Variants in TNIP3 observed in about 807,000 individuals in gnomAD.
TNIP3 encodes TNFAIP3-interacting protein 3.
A neutral mutation model predicts 54.1 loss-of-function variants in TNIP3; 34 were observed. The ratio of observed to expected loss-of-function variants is 0.63; its 90% confidence interval spans 0.48 to 0.84. The LOEUF is 0.84. Among genes scored for constraint, TNIP3 ranks in the 40% least tolerant of loss-of-function variants. The probability of loss-of-function intolerance (pLI) is 0.00; values close to 1 mark genes in which losing one functional copy is unlikely to be tolerated. For synonymous variants in TNIP3, 134 were observed against 136.8 expected, an observed-to-expected ratio of 0.98 and a Z score of 0.14; for missense variants, 366 against 387.6, an observed-to-expected ratio of 0.94 and a Z score of 0.47.
At chr4:121,139,618 G>A (rs1007502901) in intron 9 of TNIP3, among the ~76,000 whole-genome samples, 1 of 152,176 alleles carries the variant, frequency 6.6e-6, no homozygotes, top group Non-Finnish European at 1.5e-5. Context: ...TTACAAGGCT[G>A]CCAGACCACT....
At chr4:121,153,006 G>GA (rs1409256400) in intron 5 of TNIP3, among the ~76,000 whole-genome samples, 2 of 151,940 alleles carry the variant, frequency 1.3e-5, no homozygotes, top group African/African-American at 4.8e-5. Context: ...AAATTCCAAG[G>GA]AAAAATTAAA....
chr4:121,160,897 T>A (rs973992915), intron 2 of TNIP3, among the ~76,000 whole-genome samples: 5 of 152,186 alleles, frequency 3.3e-5, no homozygotes, highest in Admixed American at 6.5e-5. Context: ...AGGATTATAT[T>A]ACCAGACTTA....
chr4:121,161,318 T>C, intron 1 of TNIP3, 102 bp from the exon 2 acceptor site: 1 of 978,468 alleles, frequency 1.0e-6, no homozygotes, highest in Non-Finnish European at 1.5e-6. Context: ...ACTCTCCTGT[T>C]GCGATTTAAA....
At position 121,203,258 on chromosome 4, in the gene TNIP3, TAGAA is replaced by T. The variant is rs1553936862; in HGVS notation, c.68+13153_68+13156del. 7.9e-5 allele frequency among the ~76,000 whole-genome samples: 12 copies of T among 150,998 alleles called. No individual in the cohort carries two copies. The South Asian group carries it at 1.1e-3, about 13-fold the overall frequency. ...ATAGATAGATAGATAGATAGATAGA[TAGAA>T]AGATACCATGAAATACTATTCAGCC... On this transcript the variant is annotated intron_variant, in intron 2 of 12. Transcript: ENST00000507879.
At chr4:121,171,703 A>G (rs1723953941) in intron 3 of TNIP3, among the ~76,000 whole-genome samples, 2 of 152,074 alleles carry the variant, frequency 1.3e-5, no homozygotes, top group Non-Finnish European at 2.9e-5. Context: ...TCATGAGGAA[A>G]TGGAGCCCTA....
intron 3 of TNIP3, 54 bp downstream of exon 3, chr4:121,158,633 G>T: frequency 7.3e-7 from 1 of 1,378,280 alleles, no homozygotes; most frequent in South Asian, 1.2e-5. Context: ...CACACAATTG[G>T]CCCCACCAGG....
chr4:121,207,976 G>A (rs3899636), intron 2 of TNIP3, among the ~76,000 whole-genome samples: 3 of 152,086 alleles, frequency 2.0e-5, no homozygotes, highest in Admixed American at 6.6e-5. Flanking sequence ...TAGTAAATAC[G>A]TCTCCTGAAA....
At chr4:121,140,841 C>A (rs1032282212) in intron 9 of TNIP3, among the ~76,000 whole-genome samples, 1 of 152,174 alleles carries the variant, frequency 6.6e-6, no homozygotes, top group African/African-American at 2.4e-5. Flanking sequence ...CAATTCTTAG[C>A]GGTGTGCTGT....
At chr4:121,178,238 G>T (rs1037861494) in intron 3 of TNIP3, among the ~76,000 whole-genome samples, 2 of 152,168 alleles carry the variant, frequency 1.3e-5, no homozygotes, top group African/African-American at 4.8e-5. Context: ...TAGCTGCATT[G>T]AACTCCAGTT....
chr4:121,199,240 C>G (rs1210787862), intron 2 of TNIP3, among the ~76,000 whole-genome samples: 1 of 152,138 alleles, frequency 6.6e-6, no homozygotes, highest in African/African-American at 2.4e-5. Context: ...GATACAACTT[C>G]AGGGAACCAG....
intron 2 of TNIP3, among the ~76,000 whole-genome samples, chr4:121,202,858 G>A (rs36011009): frequency 6.6e-6 from 1 of 151,996 alleles, no homozygotes; most frequent in African/African-American, 2.4e-5. Flanking sequence ...GAAAATGCAA[G>A]TCAAAACCAA....
intron 2 of TNIP3, among the ~76,000 whole-genome samples, chr4:121,203,239 A>AGATAGATT (rs1184956394): frequency 6.6e-6 from 1 of 151,912 alleles, no homozygotes; most frequent in East Asian, 1.9e-4. Flanking sequence ...ATAGATAGAT[A>AGATAGATT]GATAGATAGA....
At chr4:121,225,322 G>A (rs1422802750) in intron 1 of TNIP3, among the ~76,000 whole-genome samples, 6 of 152,122 alleles carry the variant, frequency 3.9e-5, no homozygotes, top group African/African-American at 9.7e-5. Flanking sequence ...CCCATATGAT[G>A]TCTTTGTTTC....
chr4:121,203,652 T>C (rs1726023058), intron 2 of TNIP3, among the ~76,000 whole-genome samples: 1 of 152,140 alleles, frequency 6.6e-6, no homozygotes, highest in African/African-American at 2.4e-5. Flanking sequence ...TCTGATATAA[T>C]ACATAAACTT....
intron 7 of TNIP3, among the ~76,000 whole-genome samples, chr4:121,144,402 T>C (rs6856825): frequency 2.6e-5 from 4 of 151,998 alleles, no homozygotes; most frequent in South Asian, 2.1e-4. Flanking sequence ...CGTTTTTTTG[T>C]TTTTTTCTTT....
chr4:121,142,317 A>G (rs1729166617), intron 8 of TNIP3, among the ~76,000 whole-genome samples: 1 of 152,218 alleles, frequency 6.6e-6, no homozygotes, highest in Non-Finnish European at 1.5e-5. Context: ...AATAATATTC[A>G]TTATTTAAGG....
At chr4:121,216,613 C>A in exon 1 of TNIP3, 1 of 1,478,768 alleles carries the variant, frequency 6.8e-7, no homozygotes, top group Non-Finnish European at 8.9e-7. Context: ...CATCAAAAGC[C>A]ATGTTTTTAT....
intron 3 of TNIP3, among the ~76,000 whole-genome samples, chr4:121,157,750 A>G (rs1387164026): frequency 6.6e-6 from 1 of 152,208 alleles, no homozygotes; most frequent in Non-Finnish European, 1.5e-5. Flanking sequence ...GCCACAGTCC[A>G]GAGGGAGAAT....
At chr4:121,196,558 T>C (rs1725597732) in intron 2 of TNIP3, among the ~76,000 whole-genome samples, 1 of 151,664 alleles carries the variant, frequency 6.6e-6, no homozygotes, top group African/African-American at 2.4e-5. Flanking sequence ...ATTTGTCACA[T>C]TTTTTTTAAT....
Sources: allele counts gnomAD v4.1 joint callset (sites outside exome capture counted in the v4.1 genomes callset), GRCh38; gene constraint gnomAD v4.1.1; transcripts MANE v1.5; gene names NCBI Gene and HGNC (gene_info 2026-07-23, HGNC 2026-07-21).